Variants in WWOX observed in about 807,000 individuals in gnomAD.
WWOX encodes WW domain-containing oxidoreductase.
A neutral mutation model predicts 46.2 loss-of-function variants in WWOX; 69 were observed. The observed-to-expected ratio is 1.49, with a 90% CI of 1.23 to 1.82. WWOX has a LOEUF of 1.82. Among genes scored for constraint, WWOX ranks in the 40% most tolerant of loss-of-function variants. WWOX has a pLI of 0.00. For synonymous variants in WWOX, 359 were observed against 202.6 expected, an observed-to-expected ratio of 1.77 and a Z score of -6.56; for missense variants, 919 against 542.6, an observed-to-expected ratio of 1.69 and a Z score of -6.89.
intron 5 of WWOX, chr16:78,355,538 A>G (rs7200961): frequency 0.69 from 273,520 of 395,632 alleles, 97,706 homozygotes; most frequent in African/African-American, 0.77. Flanking sequence ...CATGGCAGAC[A>G]ACGTAGACCA....
At chr16:78,498,899 T>A (rs1396114340) in intron 8 of WWOX, among the ~76,000 whole-genome samples, 2 of 152,146 alleles carry the variant, frequency 1.3e-5, no homozygotes, top group Non-Finnish European at 2.9e-5. Flanking sequence ...GGCAACTTCC[T>A]CGATTGTCTC....
rs141289101 is a variant in WWOX at position 78,750,654 on chromosome 16, C to A, written c.1056+317902C>A. 2.1e-3 allele frequency among the ~76,000 whole-genome samples: 313 copies of A among 152,104 alleles called. 1 individual carries two copies. The highest frequency in any genetic ancestry group is 7.0e-3 in the African/African-American group (289 of 41,492). ...TTTTCTCCTTCCCTCCCTAGTCCCC[C>A]CTTTTGAAGTCCCCAGAGTCTATTG... On this transcript the variant is annotated intron_variant, in intron 8 of 8. Transcript: ENST00000566780.
chr16:78,810,744 C>G (rs1257234513), intron 8 of WWOX, among the ~76,000 whole-genome samples: 1 of 152,214 alleles, frequency 6.6e-6, no homozygotes, highest in South Asian at 2.1e-4. Context: ...TTGCTCCCTT[C>G]TGTAGGAATA....
intron 8 of WWOX, among the ~76,000 whole-genome samples, chr16:78,849,479 C>G (rs548350119): frequency 3.4e-5 from 5 of 146,840 alleles, no homozygotes; most frequent in Non-Finnish European, 7.4e-5. Context: ...GAGGCTGAGG[C>G]AGGAGAATGG....
rs114408841 is a variant in WWOX, at chr16:78,697,315, C to T, written c.1056+264563C>T. Reference sequence around the variant, plus strand: ...AAGTGTTCCCTGCTCACCGCATTCACGCCAATATCTATTATTTTTTGCATT... The same window carrying T: ...AAGTGTTCCCTGCTCACCGCATTCATGCCAATATCTATTATTTTTTGCATT... On this transcript the variant is annotated intron_variant, in intron 8 of 8. Transcript: ENST00000566780. Among the ~76,000 whole-genome samples the T allele has an allele frequency of 3.2e-3, 482 of 152,226 alleles. 2 individuals carry two copies. The highest frequency in any genetic ancestry group is 0.011 in the African/African-American group (459 of 41,526).
In WWOX at chr16:78,693,676, G is replaced by A. The variant is rs1167907043; in HGVS notation, c.1056+260924G>A. On this transcript the variant is annotated intron_variant, in intron 8 of 8. Coordinates refer to ENST00000566780, the MANE Select transcript of WWOX (RefSeq NM_016373.4). Reference sequence around the variant, plus strand: ...GTGCGGTGACATAACTATTGGCATCGAGTGGATGGAGGGCAGGTGTGCTAC... The same window carrying A: ...GTGCGGTGACATAACTATTGGCATCAAGTGGATGGAGGGCAGGTGTGCTAC... Among the ~76,000 whole-genome samples the A allele has an allele frequency of 3.3e-5, 5 of 152,172 alleles. No homozygotes were observed. In the East Asian group the frequency reaches 7.7e-4, roughly 24 times the overall value.
chr16:78,913,188 G>C (rs926915462), intron 8 of WWOX, among the ~76,000 whole-genome samples: 45 of 152,102 alleles, frequency 3.0e-4, no homozygotes, highest in Middle Eastern at 3.4e-3. Context: ...GGAGATCCGA[G>C]ACCTCATCCT....
At chr16:78,562,671 C>A (rs1321120031) in intron 8 of WWOX, among the ~76,000 whole-genome samples, 1 of 152,196 alleles carries the variant, frequency 6.6e-6, no homozygotes, top group African/African-American at 2.4e-5. Context: ...TCAATACTTG[C>A]CTTCCTTTGA....
intron 8 of WWOX, among the ~76,000 whole-genome samples, chr16:78,734,841 CTTTTTTTTTTTTTTTTTTTTTTTTTTTT>C (rs60560119): frequency 3.2e-4 from 13 of 40,126 alleles, no homozygotes; most frequent in Admixed American, 2.1e-3. Context: ...GACTTCAGTC[CTTTTTTTTTTTTTTTTTTTTTTTTTTTT>C]TTTTTTTTTT....
intron 8 of WWOX, among the ~76,000 whole-genome samples, chr16:78,575,083 A>T (rs1483655084): frequency 4.8e-5 from 2 of 41,530 alleles, no homozygotes; most frequent in Non-Finnish European, 9.4e-5. Flanking sequence ...ATATATATAT[A>T]TATATATATA....
intron 5 of WWOX, among the ~76,000 whole-genome samples, chr16:78,362,607 T>G (rs892800006): frequency 6.6e-6 from 1 of 151,948 alleles, no homozygotes; most frequent in Non-Finnish European, 1.5e-5. Context: ...AGACTCTATC[T>G]ACCCCCCACC....
intron 8 of WWOX, among the ~76,000 whole-genome samples, chr16:78,528,265 C>T (rs528969813): frequency 4.7e-5 from 7 of 148,490 alleles, no homozygotes; most frequent in Admixed American, 2.7e-4. Flanking sequence ...CCGCCCACCT[C>T]GGCCTCACAA....
intron 8 of WWOX, among the ~76,000 whole-genome samples, chr16:78,980,287 G>A (rs193141331): frequency 5.9e-5 from 9 of 152,280 alleles, no homozygotes; most frequent in African/African-American, 1.9e-4. Context: ...GAAAAACTAA[G>A]GTAGTTTGCC....
At chr16:78,303,665 C>G (rs1397688641) in intron 5 of WWOX, among the ~76,000 whole-genome samples, 3 of 152,180 alleles carry the variant, frequency 2.0e-5, no homozygotes, top group Admixed American at 6.5e-5. Flanking sequence ...ATGCCTCAGA[C>G]TCCTGAGTAG....
chr16:79,123,991 C>G (rs1567565755), intron 8 of WWOX, among the ~76,000 whole-genome samples: 1 of 152,146 alleles, frequency 6.6e-6, no homozygotes, highest in Non-Finnish European at 1.5e-5. Flanking sequence ...CACTGCAAAG[C>G]CAAGCTAAAT....
At chr16:78,621,582 T>G (rs569928933) in intron 8 of WWOX, among the ~76,000 whole-genome samples, 3 of 146,292 alleles carry the variant, frequency 2.1e-5, no homozygotes, top group Non-Finnish European at 3.0e-5. Context: ...TAACCTTGTG[T>G]TGTTCTAATC....
chr16:79,026,359 G>C (rs563339490), intron 8 of WWOX, among the ~76,000 whole-genome samples: 5 of 151,760 alleles, frequency 3.3e-5, no homozygotes, highest in Non-Finnish European at 7.4e-5. Flanking sequence ...TCAGATCTCA[G>C]CTCACACATC....
intron 8 of WWOX, 39 bp downstream of exon 8, chr16:78,432,791 C>T (rs776962233): frequency 6.2e-7 from 1 of 1,613,662 alleles, no homozygotes; most frequent in South Asian, 1.1e-5. Context: ...CACCTTGGGT[C>T]CTAGAGAAAC....
At chr16:78,955,107 A>C (rs574580862) in intron 8 of WWOX, among the ~76,000 whole-genome samples, 146 of 152,298 alleles carry the variant, frequency 9.6e-4, no homozygotes, top group Non-Finnish European at 1.7e-3. Context: ...AGAAAGTGAC[A>C]GTTGAAGACT....
Sources: allele counts gnomAD v4.1 joint callset (sites outside exome capture counted in the v4.1 genomes callset), GRCh38; gene constraint gnomAD v4.1.1; transcripts MANE v1.5; gene names NCBI Gene and HGNC (gene_info 2026-07-23, HGNC 2026-07-21).